The following CMSS1 variants were observed in gnomAD, a reference collection of about 807,000 sequenced individuals.
CMSS1 encodes the protein protein CMSS1.
A neutral mutation model predicts 43.5 loss-of-function variants in CMSS1; 33 were observed. The ratio of observed to expected loss-of-function variants is 0.76; its 90% CI spans 0.57 to 1.01. The LOEUF (loss-of-function observed/expected upper bound fraction) is 1.01. Among genes scored for constraint, CMSS1 ranks in the 50% least tolerant of loss-of-function variants. The pLI is 0.00. For missense variants in CMSS1, 313 were observed against 326.4 expected (o/e 0.96, Z 0.32); for synonymous variants, 115 against 117.2 (o/e 0.98, Z 0.12).
chr3:100,095,120 A>G (rs915235651), intron 1 of CMSS1, among the ~76,000 whole-genome samples: 1 of 152,154 alleles, frequency 6.6e-6, no homozygotes, highest in Non-Finnish European at 1.5e-5. Context: ...ACCAGTACAT[A>G]CAGTCTTGAT....
At chr3:99,850,864 T>C (rs752826735) in intron 1 of CMSS1, 4 of 1,614,216 alleles carry the variant, frequency 2.5e-6, no homozygotes, top group Non-Finnish European at 3.4e-6. Context: ...TAGTTTGGTA[T>C]GTGTTTCCTT....
At chr3:99,927,847 A>T (rs1009731132) in intron 1 of CMSS1, among the ~76,000 whole-genome samples, 1 of 152,112 alleles carries the variant, frequency 6.6e-6, no homozygotes, top group Non-Finnish European at 1.5e-5. Flanking sequence ...TCCTAGCCCC[A>T]GCCCCAAGCA....
intron 1 of CMSS1, among the ~76,000 whole-genome samples, chr3:99,926,664 A>G (rs927299963): frequency 1.3e-5 from 2 of 152,234 alleles, no homozygotes; most frequent in African/African-American, 4.8e-5. Context: ...AGCATAAATG[A>G]ATTACTAAAA....
chr3:99,894,937 A>C (rs981446425), intron 1 of CMSS1, among the ~76,000 whole-genome samples: 2 of 152,202 alleles, frequency 1.3e-5, no homozygotes, highest in African/African-American at 2.4e-5. Context: ...TATGTGTTAC[A>C]CGAAACATGA....
chr3:100,072,212 G>A (rs527368373), intron 1 of CMSS1, among the ~76,000 whole-genome samples: 1 of 152,322 alleles, frequency 6.6e-6, no homozygotes, highest in Admixed American at 6.5e-5. Flanking sequence ...ATGTGCCAAA[G>A]TCTTTCAGCT....
Position 100,171,841 on chromosome 3 carries a change from C to A in CMSS1, c.521C>A (p.Ser174Ter). ...SAVRALELIR[S>*]MTAFRGDGKV... ...ATTCACCTGCTTCTTTTCATTAGGT[C>A]GATGACAGCATTCAGAGGAGACGGC... Residue 174 changes from serine to a stop codon, truncating the protein, a stop_gained and splice_region_variant, in exon 7 of 10, where the codon TCG becomes TAG. Transcript: ENST00000421999. LOFTEE classifies it high-confidence loss of function. The A allele has an allele frequency of 6.2e-7, 1 of 1,613,570 alleles. No individual in the cohort carries two copies. Among genetic ancestry groups the A allele is most frequent in the Non-Finnish European group, 8.5e-7 (1 of 1,179,690 alleles).
At chr3:99,831,955 C>G (rs954679447) in intron 1 of CMSS1, among the ~76,000 whole-genome samples, 1 of 152,026 alleles carries the variant, frequency 6.6e-6, no homozygotes, top group African/African-American at 2.4e-5. Context: ...TGTGAAAGGC[C>G]GAGACAGATT....
chr3:99,880,207 CT>C (rs1263383354), intron 1 of CMSS1, among the ~76,000 whole-genome samples: 1 of 152,148 alleles, frequency 6.6e-6, no homozygotes, highest in Non-Finnish European at 1.5e-5. Flanking sequence ...AATCATTTTT[CT>C]AATCAACCTC....
At chr3:99,971,878 T>C (rs1214278968) in intron 1 of CMSS1, among the ~76,000 whole-genome samples, 1 of 152,210 alleles carries the variant, frequency 6.6e-6, no homozygotes, top group Non-Finnish European at 1.5e-5. Flanking sequence ...AAAGCACCTA[T>C]ATACTCTTTT....
At chr3:100,143,185 A>AT (rs1251920752) in intron 1 of CMSS1, among the ~76,000 whole-genome samples, 4 of 152,148 alleles carry the variant, frequency 2.6e-5, no homozygotes, top group Non-Finnish European at 5.9e-5. Context: ...ATTTCTTGGG[A>AT]TTTTTTATGT....
chr3:100,033,581 G>C (rs990543560), intron 1 of CMSS1, among the ~76,000 whole-genome samples: 19 of 152,272 alleles, frequency 1.2e-4, no homozygotes, highest in Non-Finnish European at 2.6e-4. Context: ...CCCCTCAACT[G>C]CACTCTTAAA....
chr3:99,876,062 C>T (rs1705497717), intron 1 of CMSS1: 2 of 985,864 alleles, frequency 2.0e-6, no homozygotes, highest in Non-Finnish European at 1.2e-6. Flanking sequence ...AGTTGCTCTC[C>T]CGGGCTTACC....
At chr3:99,874,319 T>C (rs1469829964) in intron 1 of CMSS1, 1 of 152,234 alleles carries the variant, frequency 6.6e-6, no homozygotes, top group East Asian at 1.9e-4. Flanking sequence ...TCTGTTTGTC[T>C]CTTCCTCTGT....
At chr3:99,828,055 T>C (rs1489734921) in intron 1 of CMSS1, among the ~76,000 whole-genome samples, 1 of 152,270 alleles carries the variant, frequency 6.6e-6, no homozygotes, top group Non-Finnish European at 1.5e-5. Context: ...CAACGTATTT[T>C]GTGCTTCATT....
Position 99,821,366 on chromosome 3 carries a change from G to A in CMSS1, c.64+3323G>A, listed in dbSNP as rs146236307. ...AAGGCTATGCAATTAGAATTTTGCA[G>A]GGACTCTCCTGGTCCTTAAGGGATG... On this transcript the variant is annotated intron_variant, in intron 1 of 9. Coordinates refer to ENST00000421999, the MANE Select transcript of CMSS1 (RefSeq NM_032359.4). 7.2e-3 allele frequency among the ~76,000 whole-genome samples: 1,101 copies of A among 152,274 alleles called. 19 individuals are homozygous for A. The highest frequency in any genetic ancestry group is 0.024 in the African/African-American group (1,015 of 41,550).
intron 1 of CMSS1, among the ~76,000 whole-genome samples, chr3:100,129,078 T>G (rs565189415): frequency 6.6e-6 from 1 of 151,928 alleles, no homozygotes; most frequent in Admixed American, 6.5e-5. Flanking sequence ...GTGCTTCCCT[T>G]TATATTACCC....
chr3:99,832,560 A>ATG, intron 1 of CMSS1, among the ~76,000 whole-genome samples: 1 of 120,818 alleles, frequency 8.3e-6, no homozygotes, highest in African/African-American at 3.3e-5. Flanking sequence ...AAAAAAAAAA[A>ATG]GGCCTAGCGC....
chr3:99,844,571 T>A (rs1445060211), intron 1 of CMSS1, among the ~76,000 whole-genome samples: 1 of 152,164 alleles, frequency 6.6e-6, no homozygotes. Flanking sequence ...CTAAAACGTT[T>A]TTATTGGGAG....
intron 1 of CMSS1, among the ~76,000 whole-genome samples, chr3:99,846,540 A>G (rs1473650620): frequency 1.3e-5 from 2 of 152,236 alleles, no homozygotes; most frequent in African/African-American, 4.8e-5. Flanking sequence ...GTATTTTGTA[A>G]TACAGTTGGG....
Sources: gnomAD v4.1 joint callset for allele counts (sites outside exome capture counted in the v4.1 genomes callset) on GRCh38, gnomAD v4.1.1 for gene constraint, MANE v1.5 for transcripts, NCBI Gene and HGNC (gene_info 2026-07-23, HGNC 2026-07-21) for gene names.